The following EPHA6 variants were observed in gnomAD, a reference collection of about 807,000 sequenced individuals.
The protein encoded by EPHA6 is ephrin type-A receptor 6.
A neutral mutation model predicts 112.0 loss-of-function variants in EPHA6; 50 were observed. The observed-to-expected ratio is 0.45, with a 90% CI of 0.36 to 0.56. EPHA6 has a LOEUF of 0.56. Ranked by LOEUF, EPHA6 falls within the 20% of genes least tolerant of loss-of-function variation. The probability of loss-of-function intolerance (pLI) is 0.00; values close to 1 mark genes in which losing one functional copy is unlikely to be tolerated. For synonymous variants in EPHA6, 529 were observed against 490.7 expected (o/e 1.08, Z -1.03); for missense variants, 1,280 against 1,417.4 (o/e 0.90, Z 1.56).
chr3:97,205,818 G>A (rs892195130), intron 3 of EPHA6, among the ~76,000 whole-genome samples: 15 of 151,888 alleles, frequency 9.9e-5, no homozygotes, highest in Admixed American at 2.0e-4. Flanking sequence ...TTTAATCATC[G>A]CTCATGATGA....
intron 3 of EPHA6, among the ~76,000 whole-genome samples, chr3:97,102,888 A>T (rs1252475853): frequency 6.6e-6 from 1 of 151,926 alleles, no homozygotes; most frequent in African/African-American, 2.4e-5. Context: ...CATGATATTG[A>T]GCTTTTATTC....
chr3:97,019,520 T>G (rs988120166), intron 3 of EPHA6, among the ~76,000 whole-genome samples: 7 of 152,174 alleles, frequency 4.6e-5, no homozygotes, highest in Non-Finnish European at 8.8e-5. Flanking sequence ...ACAAAAAGAC[T>G]GCCTGTCTCT....
At chr3:96,888,190 C>A (rs1441741102) in intron 2 of EPHA6, among the ~76,000 whole-genome samples, 1 of 152,168 alleles carries the variant, frequency 6.6e-6, no homozygotes. Context: ...CTGCTCCTCT[C>A]CCATTGAATC....
intron 2 of EPHA6, among the ~76,000 whole-genome samples, chr3:96,887,908 C>T (rs933240591): frequency 3.0e-4 from 46 of 152,010 alleles, no homozygotes; most frequent in Non-Finnish European, 3.2e-4. Flanking sequence ...CCAGCTCCCA[C>T]GCAAACCAAA....
intron 7 of EPHA6, among the ~76,000 whole-genome samples, chr3:97,449,509 A>G (rs1251890316): frequency 6.6e-6 from 1 of 152,122 alleles, no homozygotes; most frequent in Middle Eastern, 3.2e-3. Flanking sequence ...TTCCTTATGG[A>G]TAACAATAAT....
At chr3:97,658,779 A>AAAAG (rs2094151799) in intron 14 of EPHA6, among the ~76,000 whole-genome samples, 1 of 151,896 alleles carries the variant, frequency 6.6e-6, no homozygotes, top group African/African-American at 2.4e-5. Flanking sequence ...CTGAGGGGGA[A>AAAAG]AAAGACATAA....
intron 13 of EPHA6, among the ~76,000 whole-genome samples, chr3:97,622,695 A>G (rs2093823386): frequency 6.6e-6 from 1 of 151,746 alleles, no homozygotes; most frequent in South Asian, 2.1e-4. Context: ...GTCATTTTAC[A>G]TTCCTACCAA....
At chr3:97,138,796 A>G (rs1215691622) in intron 3 of EPHA6, among the ~76,000 whole-genome samples, 1 of 152,238 alleles carries the variant, frequency 6.6e-6, no homozygotes, top group East Asian at 1.9e-4. Context: ...GTGGCCTGAT[A>G]GTCATGCTAT....
chr3:97,022,123 G>T (rs1263745952), intron 3 of EPHA6, among the ~76,000 whole-genome samples: 1 of 152,114 alleles, frequency 6.6e-6, no homozygotes, highest in Non-Finnish European at 1.5e-5. Context: ...AACTATTTCT[G>T]AATGTGTCCT....
chr3:97,297,029 G>C (rs186313098), intron 5 of EPHA6, among the ~76,000 whole-genome samples: 12 of 152,256 alleles, frequency 7.9e-5, no homozygotes, highest in Non-Finnish European at 1.5e-4. Flanking sequence ...CTTAGGTTTG[G>C]GGACTCAGCA....
At chr3:96,870,448 T>A (rs1404718211) in intron 2 of EPHA6, among the ~76,000 whole-genome samples, 1 of 152,124 alleles carries the variant, frequency 6.6e-6, no homozygotes, top group Non-Finnish European at 1.5e-5. Context: ...TTGGATGAGG[T>A]CAAGTTACAT....
chr3:97,545,787 T>G (rs965935602), intron 11 of EPHA6, among the ~76,000 whole-genome samples: 4 of 152,254 alleles, frequency 2.6e-5, no homozygotes, highest in African/African-American at 9.6e-5. Flanking sequence ...AGTTAGCTCT[T>G]CTTGCTGAAT....
At position 97,320,830 on chromosome 3, in the gene EPHA6, A is replaced by T. The variant is rs1248644886; in HGVS notation, c.1606+76543A>T. Among the ~76,000 whole-genome samples, 19 of 140,188 alleles carry T rather than the reference A, an allele frequency of 1.4e-4. No homozygotes were observed. The East Asian group carries it at 2.9e-3, about 22-fold the overall frequency. The allele number at this position is 140,188 out of a possible 152,430, so 92.0% of individuals were successfully genotyped here. ...TTCTCTGGGGGCAAAAAATAAAAAAAATAAAAAAAAAGGGATGAATTTAAT... is the reference window on the plus strand; with the variant it reads ...TTCTCTGGGGGCAAAAAATAAAAAATATAAAAAAAAAGGGATGAATTTAAT... On this transcript the variant is annotated intron_variant, in intron 5 of 17. Coordinates refer to ENST00000389672, the MANE Select transcript of EPHA6 (RefSeq NM_001080448.3).
At chr3:97,494,329 T>C (rs1245677110) in intron 10 of EPHA6, among the ~76,000 whole-genome samples, 1 of 152,342 alleles carries the variant, frequency 6.6e-6, no homozygotes, top group East Asian at 1.9e-4. Context: ...TCTTATAAAC[T>C]TTCCTCGCAG....
At chr3:97,497,461 A>G (rs193247641) in intron 10 of EPHA6, among the ~76,000 whole-genome samples, 1 of 152,176 alleles carries the variant, frequency 6.6e-6, no homozygotes, top group East Asian at 1.9e-4. Flanking sequence ...TAAACTAGCA[A>G]TTCTCCTTTC....
intron 2 of EPHA6, among the ~76,000 whole-genome samples, chr3:96,941,620 G>T (rs2040954969): frequency 6.6e-6 from 1 of 152,202 alleles, no homozygotes; most frequent in Non-Finnish European, 1.5e-5. Context: ...TCTCCGTCCA[G>T]CTTTGTTCCA....
At chr3:97,118,896 A>AT (rs2047967069) in intron 3 of EPHA6, among the ~76,000 whole-genome samples, 1 of 151,990 alleles carries the variant, frequency 6.6e-6, no homozygotes, top group South Asian at 2.1e-4. Flanking sequence ...AAGCAGATCG[A>AT]TACCATCTCT....
Position 97,624,142 on chromosome 3 carries a change from C to T in EPHA6, c.2574+13288C>T, listed in dbSNP as rs183598142. 4.3e-3 allele frequency among the ~76,000 whole-genome samples: 649 copies of T among 151,750 alleles called. 9 individuals carry two copies. Among genetic ancestry groups the T allele is most frequent in the African/African-American group, 0.015 (627 of 41,484 alleles). ...TAGAGGAAAAACTTTCAATTTATAA[C>T]GGTCGAGTATGATGTTCACTGTGGG... is the stretch of plus-strand genomic sequence containing the variant. On this transcript the variant is annotated intron_variant, in intron 13 of 17. Transcript: ENST00000389672.
intron 5 of EPHA6, among the ~76,000 whole-genome samples, chr3:97,280,975 T>C (rs538796131): frequency 6.6e-6 from 1 of 152,354 alleles, no homozygotes; most frequent in South Asian, 2.1e-4. Context: ...AGTGAAGTTT[T>C]ATCTTTTATA....
Sources: gnomAD v4.1 joint callset for allele counts (sites outside exome capture counted in the v4.1 genomes callset) on GRCh38, gnomAD v4.1.1 for gene constraint, MANE v1.5 for transcripts, NCBI Gene and HGNC (gene_info 2026-07-23, HGNC 2026-07-21) for gene names.